The following DAAM1 variants were observed in gnomAD, a reference collection of about 807,000 sequenced individuals.
DAAM1 encodes dishevelled associated activator of morphogenesis 1, also known as disheveled-associated activator of morphogenesis 1.
Under a neutral mutation model 130.0 loss-of-function variants are expected in DAAM1, and 52 were observed. The observed-to-expected ratio is 0.40, with a 90% CI of 0.32 to 0.50. DAAM1 has a LOEUF of 0.50. DAAM1 is among the 20% of genes least tolerant of loss of function. DAAM1 has a pLI of 0.61. For synonymous variants in DAAM1, 452 were observed against 444.5 expected (o/e 1.02, Z -0.21); for missense variants, 1,134 against 1,303.8 (o/e 0.87, Z 2.01).
chr14:59,343,468 G>T (rs1342989254), intron 16 of DAAM1, among the ~76,000 whole-genome samples: 2 of 151,872 alleles, frequency 1.3e-5, no homozygotes, highest in Non-Finnish European at 2.9e-5. Flanking sequence ...TTTCTTTCCT[G>T]ATTATTTCAT....
intron 1 of DAAM1, among the ~76,000 whole-genome samples, chr14:59,210,936 T>C (rs781213997): frequency 6.6e-6 from 1 of 152,174 alleles, no homozygotes; most frequent in Non-Finnish European, 1.5e-5. Context: ...GTATATTTTG[T>C]TTATACATGG....
chr14:59,342,979 C>G (rs1470667919), intron 16 of DAAM1, among the ~76,000 whole-genome samples: 4 of 152,190 alleles, frequency 2.6e-5, no homozygotes, highest in Non-Finnish European at 4.4e-5. Flanking sequence ...GGCAGGAGAG[C>G]CCGAAATTCA....
At chr14:59,349,628 A>C (rs1446047461) in intron 17 of DAAM1, among the ~76,000 whole-genome samples, 2 of 152,196 alleles carry the variant, frequency 1.3e-5, no homozygotes, top group Non-Finnish European at 2.9e-5. Flanking sequence ...GGCTGCTTTC[A>C]TCCCCTCCTC....
At chr14:59,270,221 A>G (rs1882647987) in intron 2 of DAAM1, among the ~76,000 whole-genome samples, 1 of 152,146 alleles carries the variant, frequency 6.6e-6, no homozygotes, top group Non-Finnish European at 1.5e-5. Flanking sequence ...AGGCTGGGTA[A>G]TTTATAGAGA....
At chr14:59,365,203 T>A (rs565197259) in intron 23 of DAAM1, among the ~76,000 whole-genome samples, 1 of 152,344 alleles carries the variant, frequency 6.6e-6, no homozygotes, top group African/African-American at 2.4e-5. Flanking sequence ...GGTGGAACTT[T>A]AATCTGGGCC....
chr14:59,358,205 C>T (rs972829997), intron 20 of DAAM1, among the ~76,000 whole-genome samples: 2 of 152,178 alleles, frequency 1.3e-5, no homozygotes, highest in African/African-American at 4.8e-5. Context: ...CTGGGGTTAG[C>T]CCAGGCATCT....
chr14:59,307,604 G>A (rs567515171), intron 3 of DAAM1, among the ~76,000 whole-genome samples: 7 of 152,254 alleles, frequency 4.6e-5, no homozygotes, highest in African/African-American at 1.2e-4. Context: ...CTGGGCAAAC[G>A]TGGCATTTTG....
chr14:59,251,232 G>C (rs1881626810), intron 1 of DAAM1, among the ~76,000 whole-genome samples: 1 of 152,208 alleles, frequency 6.6e-6, no homozygotes, highest in African/African-American at 2.4e-5. Context: ...GCCTGTGTAT[G>C]AATGTATCTG....
chr14:59,201,139 C>CA, intron 1 of DAAM1, among the ~76,000 whole-genome samples: 1 of 123,100 alleles, frequency 8.1e-6, no homozygotes, highest in African/African-American at 3.2e-5. Flanking sequence ...CCAGCCTGGG[C>CA]GACAGAGTGA....
intron 1 of DAAM1, among the ~76,000 whole-genome samples, chr14:59,246,932 T>C (rs1249444703): frequency 6.6e-6 from 1 of 152,208 alleles, no homozygotes; most frequent in Non-Finnish European, 1.5e-5. Context: ...TTGTAGGGGT[T>C]CTGGATATTA....
chr14:59,291,615 A>G (rs1883743427), intron 3 of DAAM1: 2 of 257,088 alleles, frequency 7.8e-6, no homozygotes, highest in Admixed American at 5.8e-5. Flanking sequence ...GTCTGTATAC[A>G]GGTGGTCTAG....
At chr14:59,197,337 G>A (rs1048368115) in intron 1 of DAAM1, among the ~76,000 whole-genome samples, 2 of 152,316 alleles carry the variant, frequency 1.3e-5, no homozygotes, top group Non-Finnish European at 2.9e-5. Flanking sequence ...TGTTTGTGTG[G>A]CAGTCATTTC....
At chr14:59,228,141 A>G (rs886236643) in intron 1 of DAAM1, among the ~76,000 whole-genome samples, 3 of 152,196 alleles carry the variant, frequency 2.0e-5, no homozygotes, top group Non-Finnish European at 4.4e-5. Context: ...AAAAAAAATC[A>G]TAGGCTGTAA....
intron 15 of DAAM1, among the ~76,000 whole-genome samples, chr14:59,337,886 T>G (rs1243766251): frequency 2.6e-5 from 4 of 152,190 alleles, no homozygotes; most frequent in Non-Finnish European, 5.9e-5. Flanking sequence ...CAATCCTTCC[T>G]TATAACACAA....
intron 5 of DAAM1, among the ~76,000 whole-genome samples, chr14:59,322,486 CCTGT>C (rs1300433728): frequency 1.4e-5 from 2 of 141,550 alleles, no homozygotes; most frequent in African/African-American, 5.5e-5. Context: ...AGAGCAAGAC[CCTGT>C]CTCTCTTAAA....
intron 16 of DAAM1, 21 bp downstream of exon 16, chr14:59,340,201 A>C: frequency 1.2e-6 from 2 of 1,606,298 alleles, no homozygotes; most frequent in Non-Finnish European, 1.7e-6. Context: ...TGTTGAATAA[A>C]CATTTCTAGT....
At chr14:59,228,912 C>G (rs10873113) in intron 1 of DAAM1, among the ~76,000 whole-genome samples, 1 of 152,030 alleles carries the variant, frequency 6.6e-6, no homozygotes, top group African/African-American at 2.4e-5. Context: ...ACTCTGTTTC[C>G]GTCTTTTCCC....
intron 1 of DAAM1, among the ~76,000 whole-genome samples, chr14:59,241,516 T>C (rs1288678459): frequency 6.6e-6 from 1 of 152,246 alleles, no homozygotes; most frequent in Non-Finnish European, 1.5e-5. Context: ...TTACCAGTTG[T>C]GGTGCATGCT....
At chr14:59,207,988 G>A (rs1304419338) in intron 1 of DAAM1, among the ~76,000 whole-genome samples, 1 of 151,882 alleles carries the variant, frequency 6.6e-6, no homozygotes, top group Non-Finnish European at 1.5e-5. Flanking sequence ...TCACTGTGGG[G>A]AAAAAAACAC....
Sources: gnomAD v4.1 joint callset for allele counts (sites outside exome capture counted in the v4.1 genomes callset) on GRCh38, gnomAD v4.1.1 for gene constraint, MANE v1.5 for transcripts, NCBI Gene and HGNC (gene_info 2026-07-23, HGNC 2026-07-21) for gene names.